The following TMEM272 variants were observed in gnomAD, a reference collection of about 807,000 sequenced individuals.
TMEM272 encodes long intergenic non-protein coding RNA 282.
A neutral mutation model predicts 3.7 loss-of-function variants in TMEM272; 8 were observed. The observed-to-expected ratio is 2.17, with a 90% CI of 1.27 to 3.91. The LOEUF (loss-of-function observed/expected upper bound fraction) is 3.91. TMEM272 is among the 30% of genes most tolerant of loss of function. The probability of loss-of-function intolerance (pLI) is 0.00; values close to 1 mark genes in which losing one functional copy is unlikely to be tolerated. For synonymous variants in TMEM272, 63 were observed against 39.8 expected, an observed-to-expected ratio of 1.58 and a Z score of -2.20; for missense variants, 166 against 91.5, an observed-to-expected ratio of 1.81 and a Z score of -3.32.
the TMEM272 span, among the ~76,000 whole-genome samples, chr13:51,877,148 C>T: frequency 2.6e-5 from 4 of 152,328 alleles, no homozygotes; most frequent in African/African-American, 7.2e-5. Flanking sequence ...GTCCAACCTG[C>T]ACAATGTGAC....
chr13:51,914,407 A>C, the TMEM272 span, among the ~76,000 whole-genome samples: 55,318 of 152,092 alleles, frequency 0.36, 10,595 homozygotes, highest in East Asian at 0.49. Context: ...GTCTGTCGCA[A>C]TGGAAACGCC....
intron 4 of TMEM272, 90 bp downstream of exon 4, chr13:51,821,965 T>A: frequency 1.4e-6 from 1 of 699,678 alleles, no homozygotes; most frequent in East Asian, 2.7e-5. Flanking sequence ...TTGTCTCCCC[T>A]GTGAATAGCA....
the TMEM272 span, among the ~76,000 whole-genome samples, chr13:51,855,421 G>A: frequency 3.9e-5 from 6 of 152,002 alleles, no homozygotes; most frequent in African/African-American, 9.7e-5. Context: ...ATAACAAGCC[G>A]TATAAGAAAA....
the TMEM272 span, among the ~76,000 whole-genome samples, chr13:51,884,453 A>C: frequency 6.6e-6 from 1 of 152,360 alleles, no homozygotes; most frequent in East Asian, 1.9e-4. Context: ...CAACATGAAC[A>C]AATATGTGAA....
intron 4 of TMEM272, among the ~76,000 whole-genome samples, chr13:51,821,110 G>A (rs1325608373): frequency 2.0e-5 from 3 of 152,198 alleles, no homozygotes; most frequent in Admixed American, 1.3e-4. Context: ...AAGGATCCCC[G>A]CACCAGAAGG....
At chr13:51,824,195 ATCTTTCC>A (rs1956103757) in intron 3 of TMEM272, among the ~76,000 whole-genome samples, 1 of 152,206 alleles carries the variant, frequency 6.6e-6, no homozygotes, top group South Asian at 2.1e-4. Flanking sequence ...AATAAAAGCC[ATCTTTCC>A]CCCTGTGTTC....
the TMEM272 span, among the ~76,000 whole-genome samples, chr13:51,924,593 T>C: frequency 6.6e-6 from 1 of 152,092 alleles, no homozygotes; most frequent in Admixed American, 6.5e-5. Context: ...GAGGGGATGG[T>C]GGAGTCTCCT....
Position 51,822,983 on chromosome 13 carries a change from G to A in TMEM272, c.119-846C>T, listed in dbSNP as rs945528035. Among the ~76,000 whole-genome samples, 6 of 152,378 alleles carry A rather than the reference G, an allele frequency of 3.9e-5. No homozygotes were observed. In the East Asian group the frequency reaches 1.2e-3, roughly 29 times the overall value. On this transcript the variant is annotated intron_variant, in intron 3 of 4. Transcript: ENST00000629372. ...GAATTCTAACACACACCTTTGCTAT[G>A]GGAGACACTGACTGCCCAGCATGTG...
At chr13:51,916,893 G>A in the TMEM272 span, among the ~76,000 whole-genome samples, 6 of 152,014 alleles carry the variant, frequency 3.9e-5, no homozygotes, top group East Asian at 3.9e-4. Flanking sequence ...ATCATTCTCC[G>A]GCATCATTCT....
rs1297004059 is a variant in TMEM272, at chr13:51,814,105, T to C, written c.*2646A>G. On this transcript the variant is annotated 3_prime_UTR_variant, in exon 5 of 5. Transcript: ENST00000629372. ...ATGCCAAGGATTATAACTTCTTCTA[T>C]AACCAGGAACTTCTTACACTCACCT... 6.6e-6 allele frequency: 1 copy of C among 152,304 alleles called. No individual in the cohort carries two copies. The highest frequency in any genetic ancestry group is 1.5e-5 in the Non-Finnish European group (1 of 68,094). The allele number at this position is 152,304 out of a possible 1,614,324, so 9.4% of individuals were successfully genotyped here. A position where few individuals can be genotyped will look rare whatever the true frequency, so the allele number is the denominator to read the frequency against.
chr13:51,900,913 G>C, the TMEM272 span, among the ~76,000 whole-genome samples: 1 of 152,182 alleles, frequency 6.6e-6, no homozygotes, highest in Admixed American at 6.5e-5. Context: ...GCTCAGAATA[G>C]ACAATTCTGT....
chr13:51,888,685 G>C, the TMEM272 span, among the ~76,000 whole-genome samples: 19 of 107,236 alleles, frequency 1.8e-4, no homozygotes, highest in East Asian at 4.7e-3. Context: ...TCACACTGTC[G>C]CCCAGACTGG....
At chr13:51,863,002 G>A in the TMEM272 span, among the ~76,000 whole-genome samples, 61 of 152,346 alleles carry the variant, frequency 4.0e-4, 1 homozygote, top group African/African-American at 1.3e-3. Context: ...GTAACAGACA[G>A]ACAGTATCGC....
At chr13:51,923,085 T>C in the TMEM272 span, among the ~76,000 whole-genome samples, 3 of 152,122 alleles carry the variant, frequency 2.0e-5, no homozygotes, top group Non-Finnish European at 4.4e-5. Flanking sequence ...GCTGTCTGAA[T>C]CCTCCATCAG....
chr13:51,859,428 C>T, the TMEM272 span, among the ~76,000 whole-genome samples: 83,665 of 150,548 alleles, frequency 0.56, 23,447 homozygotes, highest in African/African-American at 0.63. Flanking sequence ...AAGAAGGAAG[C>T]GAAGGCTAGG....
At chr13:51,820,291 C>G (rs140860495) in intron 4 of TMEM272, among the ~76,000 whole-genome samples, 15 of 152,136 alleles carry the variant, frequency 9.9e-5, no homozygotes, top group African/African-American at 3.4e-4. Context: ...ATGCATTTCA[C>G]GAAGGATGTT....
At chr13:51,839,782 T>C (rs1476612926) in intron 1 of TMEM272, among the ~76,000 whole-genome samples, 1 of 152,204 alleles carries the variant, frequency 6.6e-6, no homozygotes, top group Admixed American at 6.5e-5. Flanking sequence ...AGCGTCAGCA[T>C]GGGCCTGCAG....
At chr13:51,874,051 G>C in the TMEM272 span, among the ~76,000 whole-genome samples, 1 of 152,198 alleles carries the variant, frequency 6.6e-6, no homozygotes, top group East Asian at 1.9e-4. Context: ...TGAAGAGAAA[G>C]ATGCCATATG....
intron 2 of TMEM272, among the ~76,000 whole-genome samples, chr13:51,835,470 C>T (rs768803228): frequency 1.8e-4 from 27 of 152,244 alleles, no homozygotes; most frequent in Non-Finnish European, 2.6e-4. Flanking sequence ...GTGATCTGCT[C>T]GCCTCGGTCT....
Sources: gnomAD v4.1 joint callset for allele counts (sites outside exome capture counted in the v4.1 genomes callset) on GRCh38, gnomAD v4.1.1 for gene constraint, MANE v1.5 for transcripts, NCBI Gene and HGNC (gene_info 2026-07-23, HGNC 2026-07-21) for gene names.